The following TSHZ2 variants were observed in gnomAD, a reference collection of about 807,000 sequenced individuals.
The protein encoded by TSHZ2 is teashirt homolog 2.
A neutral mutation model predicts 74.4 loss-of-function variants in TSHZ2; 21 were observed. That is an observed-to-expected ratio of 0.28 (90% CI 0.20 to 0.41). The LOEUF (loss-of-function observed/expected upper bound fraction) is 0.41, where lower values mean the gene tolerates loss of function less well. Among genes scored for constraint, TSHZ2 ranks in the 10% least tolerant of loss-of-function variants. The pLI, the probability that TSHZ2 is intolerant of heterozygous loss-of-function variation, is 1.00. For missense variants in TSHZ2, 1,244 were observed against 1,293.5 expected, an observed-to-expected ratio of 0.96 and a Z score of 0.59; for synonymous variants, 540 against 515.3, an observed-to-expected ratio of 1.05 and a Z score of -0.65.
chr20:53,383,064 C>G (rs1392394855), intron 2 of TSHZ2, among the ~76,000 whole-genome samples: 1 of 152,086 alleles, frequency 6.6e-6, no homozygotes. Context: ...AGGTCGAGAC[C>G]AGCCTGGGCA....
intron 2 of TSHZ2, among the ~76,000 whole-genome samples, chr20:53,449,985 G>T (rs990897846): frequency 2.6e-5 from 4 of 152,204 alleles, no homozygotes; most frequent in Non-Finnish European, 5.9e-5. Context: ...TACACTTACT[G>T]GGTGGGACCC....
intron 1 of TSHZ2, among the ~76,000 whole-genome samples, chr20:52,986,944 G>A (rs181867090): frequency 6.6e-6 from 1 of 152,142 alleles, no homozygotes; most frequent in African/African-American, 2.4e-5. Context: ...GTGTATGTAG[G>A]GGAAGATGTT....
intron 2 of TSHZ2, among the ~76,000 whole-genome samples, chr20:53,402,986 TGTTACCTGG>T (rs1215821564): frequency 5.9e-5 from 9 of 152,276 alleles, no homozygotes; most frequent in Admixed American, 1.3e-4. Context: ...TGTGTAGGAT[TGTTACCTGG>T]GTATATTGGA....
At chr20:53,144,840 A>AT (rs1430641155) in intron 1 of TSHZ2, among the ~76,000 whole-genome samples, 7 of 151,428 alleles carry the variant, frequency 4.6e-5, no homozygotes, top group Middle Eastern at 3.4e-3. Flanking sequence ...TGAAAGATGA[A>AT]TTAAATATAT....
At chr20:53,171,767 G>A (rs552225741) in intron 1 of TSHZ2, among the ~76,000 whole-genome samples, 1 of 151,986 alleles carries the variant, frequency 6.6e-6, no homozygotes, top group South Asian at 2.1e-4. Flanking sequence ...TTATTTTCTG[G>A]TTGACTTTGA....
At position 53,305,410 on chromosome 20, in the gene TSHZ2, T is replaced by C. The variant is rs144747999; in HGVS notation, c.*8+48839T>C. On this transcript the variant is annotated intron_variant, in intron 2 of 2. Transcript: ENST00000371497. The stretch of plus-strand genomic sequence containing the variant: ...TAGCCAAGTTTTTTTCTTTCTTTTT[T>C]TTTTCTTTTCTGGTACAATGGTCAT... Among the ~76,000 whole-genome samples, 165 of 152,306 alleles carry C rather than the reference T, an allele frequency of 1.1e-3. 1 individual carries two copies. The highest frequency in any genetic ancestry group is 3.7e-3 in the African/African-American group (153 of 41,570).
chr20:53,271,692 G>A (rs1990842525), intron 2 of TSHZ2, among the ~76,000 whole-genome samples: 1 of 152,206 alleles, frequency 6.6e-6, no homozygotes, highest in Non-Finnish European at 1.5e-5. Flanking sequence ...AGGAGGATAA[G>A]AGGGAAAAGT....
chr20:53,157,369 G>A (rs1360592979), intron 1 of TSHZ2, among the ~76,000 whole-genome samples: 2 of 147,386 alleles, frequency 1.4e-5, no homozygotes, highest in African/African-American at 5.0e-5. Context: ...CTAATGTTCT[G>A]TTGAACAAAC....
At chr20:53,289,939 A>C (rs955880890) in intron 2 of TSHZ2, among the ~76,000 whole-genome samples, 4 of 152,246 alleles carry the variant, frequency 2.6e-5, no homozygotes, top group African/African-American at 9.6e-5. Context: ...CTATTATTTC[A>C]ATGATAACTT....
intron 2 of TSHZ2, among the ~76,000 whole-genome samples, chr20:53,370,919 G>A (rs575196289): frequency 2.6e-5 from 4 of 152,238 alleles, no homozygotes; most frequent in Admixed American, 6.5e-5. Flanking sequence ...AGTTGTGGAC[G>A]CTGGAGGTTG....
chr20:52,982,050 C>T (rs1981587438), intron 1 of TSHZ2, among the ~76,000 whole-genome samples: 1 of 152,116 alleles, frequency 6.6e-6, no homozygotes, highest in Admixed American at 6.5e-5. Context: ...ATGGCAATAG[C>T]TTTATAAAAG....
intron 2 of TSHZ2, among the ~76,000 whole-genome samples, chr20:53,428,188 G>C (rs1983722922): frequency 1.3e-5 from 2 of 152,234 alleles, no homozygotes; most frequent in Admixed American, 1.3e-4. Flanking sequence ...TGGAAAGTCA[G>C]CAAATTAGGA....
At chr20:53,323,989 G>A (rs993019275) in intron 2 of TSHZ2, among the ~76,000 whole-genome samples, 6 of 152,110 alleles carry the variant, frequency 3.9e-5, no homozygotes, top group Non-Finnish European at 8.8e-5. Context: ...GGCTCTTGTG[G>A]TCCCTCCTGA....
intron 1 of TSHZ2, among the ~76,000 whole-genome samples, chr20:53,026,992 A>G (rs941546958): frequency 6.6e-6 from 1 of 152,106 alleles, no homozygotes; most frequent in African/African-American, 2.4e-5. Context: ...CTTTATAAAC[A>G]TAAATACATA....
intron 2 of TSHZ2, among the ~76,000 whole-genome samples, chr20:53,473,823 G>C (rs527583429): frequency 1.3e-5 from 2 of 152,292 alleles, no homozygotes; most frequent in East Asian, 3.9e-4. Context: ...GGAGCTGATG[G>C]AGCTGAAAAC....
At chr20:53,424,313 G>A (rs1198376732) in intron 2 of TSHZ2, among the ~76,000 whole-genome samples, 1 of 152,128 alleles carries the variant, frequency 6.6e-6, no homozygotes, top group Non-Finnish European at 1.5e-5. Flanking sequence ...TCTTTCCCCT[G>A]GGGGGCAAGT....
intron 1 of TSHZ2, among the ~76,000 whole-genome samples, chr20:53,082,580 TTG>T (rs1491029013): frequency 2.6e-5 from 4 of 152,234 alleles, no homozygotes; most frequent in Non-Finnish European, 5.9e-5. Context: ...TTGGAAAACA[TTG>T]TCTTAGCTGG....
intron 1 of TSHZ2, among the ~76,000 whole-genome samples, chr20:53,092,732 T>G (rs942866065): frequency 6.6e-6 from 1 of 152,202 alleles, no homozygotes; most frequent in East Asian, 1.9e-4. Context: ...AAAATAACAT[T>G]CTGGGACAGT....
chr20:53,253,609 G>A lies in TSHZ2; in HGVS notation c.151G>A (p.Asp51Asn), dbSNP rs776722470. 4 of 1,614,062 alleles carry A rather than the reference G, an allele frequency of 2.5e-6. No individual in the cohort carries two copies. Among genetic ancestry groups the A allele is most frequent in the Non-Finnish European group, 3.4e-6 (4 of 1,180,036 alleles). ...GCAGGGTGGCAATGACACAGGGACG[G>A]ACGAGGAGCTAGAAACGGGCCCAGA... The part of the protein sequence containing the change: ...QLQGGNDTGT[D>N]EELETGPEQK... The change falls in exon 2 of 3, where the codon GAC becomes AAC. Residue 51 changes from aspartate (D) to asparagine (N), a missense_variant. This residue lies in a region of TSHZ2 where 470 missense variants were observed against 456.5 expected (regional missense o/e 1.03). Transcript: ENST00000371497.
Sources: allele counts gnomAD v4.1 joint callset (sites outside exome capture counted in the v4.1 genomes callset), GRCh38; gene constraint gnomAD v4.1.1; regional missense constraint gnomAD v4.1.1; transcripts MANE v1.5; gene names NCBI Gene and HGNC (gene_info 2026-07-23, HGNC 2026-07-21).